Variants in RAB31 observed in about 807,000 individuals in gnomAD.
The protein encoded by RAB31 is ras-related protein Rab-31.
RAB31 carries 21 observed loss-of-function variants against 25.6 expected under a neutral mutation model. That is an observed-to-expected ratio of 0.82 (90% CI 0.58 to 1.18). RAB31 has a LOEUF of 1.18. RAB31 is among the 50% of genes most tolerant of loss of function. RAB31 has a pLI of 0.00. For synonymous variants in RAB31, 87 were observed against 84.0 expected, an observed-to-expected ratio of 1.04 and a Z score of -0.20; for missense variants, 196 against 250.1, an observed-to-expected ratio of 0.78 and a Z score of 1.46.
rs998142803 is a variant in RAB31, at chr18:9,760,133, G to A, written c.40-15145G>A. On this transcript the variant is annotated intron_variant, in intron 1 of 6. Transcript: ENST00000578921. ...CATTTTCTCTGGTGCTTTAGAATTC[G>A]TTTAATGAAATGAGCTTCTCTTTCT... Among the ~76,000 whole-genome samples the A allele has an allele frequency of 7.3e-5, 11 of 150,540 alleles. No individual in the cohort carries two copies. In the East Asian group the frequency reaches 1.2e-3, roughly 16 times the overall value.
chr18:9,736,695 G>C (rs2068152744), intron 1 of RAB31, among the ~76,000 whole-genome samples: 1 of 152,146 alleles, frequency 6.6e-6, no homozygotes, highest in African/African-American at 2.4e-5. Flanking sequence ...TTAATAATAA[G>C]ATTTGCCGAA....
At chr18:9,793,399 A>T (rs1394657548) in intron 3 of RAB31, among the ~76,000 whole-genome samples, 1 of 152,132 alleles carries the variant, frequency 6.6e-6, no homozygotes, top group African/African-American at 2.4e-5. Context: ...GCGGTGGCTC[A>T]CGCCTGTAAT....
chr18:9,842,269 G>T (rs902375823), intron 5 of RAB31, among the ~76,000 whole-genome samples: 8 of 152,136 alleles, frequency 5.3e-5, no homozygotes, highest in Non-Finnish European at 1.0e-4. Context: ...AGAGGCTGGC[G>T]TTGGGGCTGA....
chr18:9,840,577 C>T (rs2068728496), intron 5 of RAB31, among the ~76,000 whole-genome samples: 1 of 152,190 alleles, frequency 6.6e-6, no homozygotes, highest in African/African-American at 2.4e-5. Flanking sequence ...GCAAAACTCT[C>T]CTCACAGATT....
chr18:9,716,211 C>T (rs932411468), intron 1 of RAB31, among the ~76,000 whole-genome samples: 13 of 152,162 alleles, frequency 8.5e-5, no homozygotes, highest in African/African-American at 3.1e-4. Flanking sequence ...GTCTTGTAGG[C>T]GGTCCCAAGA....
chr18:9,708,905 T>A lies in RAB31; in HGVS notation c.39+461T>A, dbSNP rs2068001265. On this transcript the variant is annotated intron_variant, in intron 1 of 6. Transcript: ENST00000578921. The surrounding 1 kb of genome is among the most constrained non-coding windows in gnomAD (Gnocchi z 6.4). The stretch of plus-strand genomic sequence containing the variant: ...GATAGTTTCCTTCCGGCAGAAAGTT[T>A]AAGTTGCTCAGCCAAGTCGCTGAGT... 6.6e-6 allele frequency among the ~76,000 whole-genome samples: 1 copy of A among 152,224 alleles called. No individual in the cohort carries two copies. Among genetic ancestry groups the A allele is most frequent in the African/African-American group, 2.4e-5 (1 of 41,460 alleles).
intron 1 of RAB31, among the ~76,000 whole-genome samples, chr18:9,720,216 G>A (rs1224431901): frequency 1.3e-5 from 2 of 152,108 alleles, no homozygotes; most frequent in African/African-American, 2.4e-5. Context: ...CACCCGCCTC[G>A]ACCTCCCAAA....
chr18:9,855,610 C>A (rs1343155084), intron 6 of RAB31, among the ~76,000 whole-genome samples: 1 of 152,116 alleles, frequency 6.6e-6, no homozygotes, highest in East Asian at 1.9e-4. Context: ...TCGGGGTTTG[C>A]GTTCGGCGTT....
rs372751484 is a variant in RAB31 at position 9,840,077 on chromosome 18, G to A, written c.381-5505G>A. Among the ~76,000 whole-genome samples the A allele has an allele frequency of 2.2e-4, 34 of 152,312 alleles. 1 individual carries two copies. In the South Asian group the frequency reaches 5.2e-3, roughly 23 times the overall value. ...GGGTGTGCTTCAGACAGTCAGAGAAGAAACCCTGAGTAATGCTGACATTGA... is the reference window on the plus strand; with the variant it reads ...GGGTGTGCTTCAGACAGTCAGAGAAAAAACCCTGAGTAATGCTGACATTGA... On this transcript the variant is annotated intron_variant, in intron 5 of 6. Coordinates refer to ENST00000578921, the MANE Select transcript of RAB31 (RefSeq NM_006868.4).
At chr18:9,715,244 G>C (rs972148679) in intron 1 of RAB31, among the ~76,000 whole-genome samples, 1 of 152,030 alleles carries the variant, frequency 6.6e-6, no homozygotes, top group Non-Finnish European at 1.5e-5. Context: ...GTGCCTAAAG[G>C]GACAGGGAAG....
At chr18:9,729,935 A>C (rs184361937) in intron 1 of RAB31, among the ~76,000 whole-genome samples, 1 of 152,358 alleles carries the variant, frequency 6.6e-6, no homozygotes, top group Admixed American at 6.5e-5. Context: ...CATAAAAAGA[A>C]TAACATGGTG....
rs1297040502 is a variant in RAB31 at position 9,781,991 on chromosome 18, G to A, written c.119+6634G>A. Among the ~76,000 whole-genome samples, 12 of 152,306 alleles carry A rather than the reference G, an allele frequency of 7.9e-5. No homozygotes were observed. In the East Asian group the frequency reaches 1.9e-3, roughly 24 times the overall value. Reference sequence around the variant, plus strand: ...CAATAGAGAATCAGGAGACTGGCACGTAATAAACTTGCATTCCTGGTTTCT... The same window carrying A: ...CAATAGAGAATCAGGAGACTGGCACATAATAAACTTGCATTCCTGGTTTCT... On this transcript the variant is annotated intron_variant, in intron 2 of 6. Transcript: ENST00000578921.
intron 5 of RAB31, among the ~76,000 whole-genome samples, chr18:9,839,092 C>T (rs1423730965): frequency 1.3e-5 from 2 of 152,228 alleles, no homozygotes; most frequent in Non-Finnish European, 2.9e-5. Flanking sequence ...AAGACATCCA[C>T]AGCCTGTTTG....
At chr18:9,726,901 C>G (rs1420579731) in intron 1 of RAB31, among the ~76,000 whole-genome samples, 1 of 152,128 alleles carries the variant, frequency 6.6e-6, no homozygotes, top group Non-Finnish European at 1.5e-5. Context: ...CACCCTGTTC[C>G]CCCTTCCAAG....
intron 1 of RAB31, among the ~76,000 whole-genome samples, chr18:9,712,430 C>G (rs1232619373): frequency 1.3e-5 from 2 of 152,222 alleles, no homozygotes; most frequent in African/African-American, 4.8e-5. Context: ...GGGCAGGACC[C>G]CATGAGTTTC....
At chr18:9,841,538 C>CAAAAA (rs56283904) in intron 5 of RAB31, among the ~76,000 whole-genome samples, 2 of 100,848 alleles carry the variant, frequency 2.0e-5, no homozygotes, top group African/African-American at 3.8e-5. Context: ...GACTCTGTCT[C>CAAAAA]AAAAAAAAAA....
chr18:9,859,774 G>A lies in RAB31; in HGVS notation c.*449G>A, dbSNP rs2068838253. The A allele has an allele frequency of 6.6e-6, 1 of 152,656 alleles. No homozygotes were observed. Among genetic ancestry groups the A allele is most frequent in the East Asian group, 1.9e-4 (1 of 5,200 alleles). 9.5% of individuals were successfully genotyped at this position (152,656 alleles called of 1,614,324 possible). A position where few individuals can be genotyped will look rare whatever the true frequency, so the allele number is the denominator to read the frequency against. ...CAACCTTCACTGAAAGGCAAATTTA[G>A]TTCAGGAGGTTAGTTTTTAGCTAGC... On this transcript the variant is annotated 3_prime_UTR_variant, in exon 7 of 7. Coordinates refer to ENST00000578921, the MANE Select transcript of RAB31 (RefSeq NM_006868.4).
intron 5 of RAB31, among the ~76,000 whole-genome samples, chr18:9,840,991 A>G (rs62081251): frequency 0.35 from 53,355 of 151,666 alleles, 10,796 homozygotes; most frequent in Non-Finnish European, 0.45. Flanking sequence ...GCAGTGGTAC[A>G]ATCATAGCTC....
intron 1 of RAB31, among the ~76,000 whole-genome samples, chr18:9,732,267 A>C (rs1199664917): frequency 6.6e-6 from 1 of 152,064 alleles, no homozygotes; most frequent in Non-Finnish European, 1.5e-5. Flanking sequence ...AGGGCCGGTC[A>C]CCGGATGAGG....
Sources: allele counts gnomAD v4.1 joint callset (sites outside exome capture counted in the v4.1 genomes callset), GRCh38; gene constraint gnomAD v4.1.1; non-coding constraint Gnocchi (gnomAD v3.1); transcripts MANE v1.5; gene names NCBI Gene and HGNC (gene_info 2026-07-23, HGNC 2026-07-21).